Variants in C5AR2 observed in about 807,000 individuals in gnomAD.
C5AR2 encodes the protein C5a anaphylatoxin chemotactic receptor 2.
For missense variants in C5AR2, 458 were observed against 467.5 expected (o/e 0.98, Z 0.19); for synonymous variants, 224 against 216.5 (o/e 1.03, Z -0.30).
In C5AR2 at chr19:47,341,543, C is replaced by T. The variant is rs1969032459; in HGVS notation, c.744C>T (p.Pro248=). 3.7e-6 allele frequency: 6 copies of T among 1,612,860 alleles called. No homozygotes were observed. Among genetic ancestry groups the T allele is most frequent in the Non-Finnish European group, 5.1e-6 (6 of 1,179,730 alleles). The change falls in exon 2 of 2, where the codon CCC becomes CCT. Residue 248 remains proline, a synonymous_variant. Transcript: ENST00000595464. This position sits in a 1 kb window ranked among gnomAD's most constrained non-coding sequence, Gnocchi z 4.6. ...IVVGFFVCWA[P]YHLLGLVLTV... Reference sequence around the variant, plus strand: ...TGGGGTTTTTTGTCTGCTGGGCACCCTACCACCTGCTGGGGCTGGTGCTCA... The same window carrying T: ...TGGGGTTTTTTGTCTGCTGGGCACCTTACCACCTGCTGGGGCTGGTGCTCA...
At chr19:47,332,506 G>C (rs976930345) in intron 1 of C5AR2, among the ~76,000 whole-genome samples, 157 bp downstream of exon 1, 2 of 152,178 alleles carry the variant, frequency 1.3e-5, no homozygotes, top group African/African-American at 4.8e-5. Context: ...ACAGTCCTGG[G>C]CTCTTGAATT....
rs1420120531 is a variant in C5AR2, at chr19:47,343,080, G to A, written c.*1267G>A. ...GATCTTGAGAAGGGGTGGTTATCCT[G>A]GATTGTCTGGGTGGGCTCAATGGAG... On this transcript the variant is annotated 3_prime_UTR_variant, in exon 2 of 2. Coordinates refer to ENST00000595464, the MANE Select transcript of C5AR2 (RefSeq NM_001271749.2). 1 of 152,156 alleles carries A rather than the reference G, an allele frequency of 6.6e-6. No individual in the cohort carries two copies. Among genetic ancestry groups the A allele is most frequent in the African/African-American group, 2.4e-5 (1 of 41,430 alleles). 9.4% of individuals were successfully genotyped at this position (152,156 alleles called of 1,614,324 possible). A position where few individuals can be genotyped will look rare whatever the true frequency, so the allele number is the denominator to read the frequency against.
At chr19:47,340,104 A>G (rs1020488630) in intron 1 of C5AR2, among the ~76,000 whole-genome samples, 1 of 151,704 alleles carries the variant, frequency 6.6e-6, no homozygotes, top group Admixed American at 6.6e-5. Context: ...ACAGGCACGC[A>G]TGACCATGCC....
rs1969098132 is a variant in C5AR2, at chr19:47,344,958, A to C, written c.*3145A>C. ...TGGCTAATTTTTGTATTTTTAGTAG[A>C]GACAGGGTTTCACCATGTTGGCCAG... On this transcript the variant is annotated 3_prime_UTR_variant, in exon 2 of 2. Transcript: ENST00000595464. 6.6e-6 allele frequency: 1 copy of C among 151,976 alleles called. No individual in the cohort carries two copies. Among genetic ancestry groups the C allele is most frequent in the Non-Finnish European group, 1.5e-5 (1 of 68,018 alleles). 9.4% of individuals were successfully genotyped at this position (151,976 alleles called of 1,614,324 possible).
intron 1 of C5AR2, among the ~76,000 whole-genome samples, chr19:47,340,062 C>G (rs2059376277): frequency 6.6e-6 from 1 of 151,564 alleles, no homozygotes. Context: ...TCAAATGATT[C>G]TCCCACTTCA....
chr19:47,340,507 T>G (rs2122170047), intron 1 of C5AR2, among the ~76,000 whole-genome samples: 1 of 151,974 alleles, frequency 6.6e-6, no homozygotes, highest in East Asian at 1.9e-4. Flanking sequence ...ACCCAGCTAA[T>G]TTTTGTATTT....
intron 1 of C5AR2, among the ~76,000 whole-genome samples, chr19:47,335,736 C>CACTCCAGCCTGGGCGACAGAGTGAT (rs2059354716): frequency 8.0e-6 from 1 of 124,576 alleles, no homozygotes; most frequent in South Asian, 2.5e-4. Flanking sequence ...CGCACCACTG[C>CACTCCAGCCTGGGCGACAGAGTGAT]ACTCCAGCCT....
chr19:47,339,907 T>G (rs137862933), intron 1 of C5AR2, among the ~76,000 whole-genome samples: 6 of 152,296 alleles, frequency 3.9e-5, no homozygotes, highest in Non-Finnish European at 8.8e-5. Flanking sequence ...ATAGTATTTA[T>G]TATCTTCTAA....
Sources: allele counts gnomAD v4.1 joint callset (sites outside exome capture counted in the v4.1 genomes callset), GRCh38; gene constraint gnomAD v4.1.1; non-coding constraint Gnocchi (gnomAD v3.1); transcripts MANE v1.5; gene names NCBI Gene and HGNC (gene_info 2026-07-23, HGNC 2026-07-21).